Variants in GRID2 observed in about 807,000 individuals in gnomAD.
GRID2 encodes the protein glutamate ionotropic receptor delta type subunit 2.
A neutral mutation model predicts 114.8 loss-of-function variants in GRID2; 33 were observed. That is an observed-to-expected ratio of 0.29 (90% CI 0.22 to 0.38). The LOEUF (loss-of-function observed/expected upper bound fraction) is 0.38, where lower values mean the gene tolerates loss of function less well. GRID2 is among the 10% of genes least tolerant of loss of function. The pLI, the probability that GRID2 is intolerant of heterozygous loss-of-function variation, is 1.00. For synonymous variants in GRID2, 505 were observed against 449.9 expected, an observed-to-expected ratio of 1.12 and a Z score of -1.55; for missense variants, 1,184 against 1,257.7, an observed-to-expected ratio of 0.94 and a Z score of 0.89.
rs1301923712 is a variant in GRID2 at position 93,244,396 on chromosome 4, G to A, written c.1245+5906G>A. ...TCAGATATACTTAGAATCTTTATTC[G>A]GGCTCTCCAGCTTTAAATTCACAAA... On this transcript the variant is annotated intron_variant, in intron 8 of 15. Coordinates refer to ENST00000282020, the MANE Select transcript of GRID2 (RefSeq NM_001510.4). Among the ~76,000 whole-genome samples, 7 of 150,872 alleles carry A rather than the reference G, an allele frequency of 4.6e-5. No homozygotes were observed. The East Asian group carries it at 7.8e-4, about 17-fold the overall frequency.
intron 2 of GRID2, among the ~76,000 whole-genome samples, chr4:92,780,739 T>C (rs1252214366): frequency 6.6e-6 from 1 of 152,074 alleles, no homozygotes; most frequent in Non-Finnish European, 1.5e-5. Context: ...TAATGAGTAT[T>C]CTGTGTGTAT....
chr4:92,306,578 A>G (rs1725419876), intron 1 of GRID2, among the ~76,000 whole-genome samples: 1 of 152,214 alleles, frequency 6.6e-6, no homozygotes, highest in Non-Finnish European at 1.5e-5. Context: ...CTCAGGAGGG[A>G]AAGCCTGTGG....
intron 1 of GRID2, among the ~76,000 whole-genome samples, chr4:92,478,272 ATCT>A (rs1560658117): frequency 6.6e-6 from 1 of 152,064 alleles, no homozygotes; most frequent in Non-Finnish European, 1.5e-5. Flanking sequence ...GCACCATGAA[ATCT>A]TCTTAGTCTG....
chr4:92,715,484 T>A (rs944967878), intron 2 of GRID2, among the ~76,000 whole-genome samples: 14 of 152,106 alleles, frequency 9.2e-5, no homozygotes, highest in African/African-American at 3.4e-4. Flanking sequence ...GCTATCAATT[T>A]ACTGTATTAT....
chr4:92,981,925 G>A (rs1268680647), intron 2 of GRID2, among the ~76,000 whole-genome samples: 4 of 149,692 alleles, frequency 2.7e-5, no homozygotes, highest in South Asian at 2.1e-4. Flanking sequence ...GGAAGTGAAC[G>A]TTGCTGAGTT....
intron 2 of GRID2, among the ~76,000 whole-genome samples, chr4:92,944,855 A>G (rs891326415): frequency 1.3e-5 from 2 of 152,190 alleles, no homozygotes; most frequent in African/African-American, 4.8e-5. Context: ...TTACTGTCCA[A>G]AGGGCAAACC....
At position 93,524,837 on chromosome 4, in the gene GRID2, A is replaced by G. The variant is rs1235528991; in HGVS notation, c.2193+9426A>G. Among the ~76,000 whole-genome samples, 9 of 115,954 alleles carry G rather than the reference A, an allele frequency of 7.8e-5. No individual in the cohort carries two copies. The South Asian group carries it at 2.3e-3, about 29-fold the overall frequency. The allele number at this position is 115,954 out of a possible 152,430, so 76.1% of individuals were successfully genotyped here. On this transcript the variant is annotated intron_variant, in intron 13 of 15. Transcript: ENST00000282020. ...TATGTATGTATGTATATATATATAT[A>G]TATATATATATATGTATACAAATTC...
In GRID2 at chr4:92,722,508, T is replaced by C. The variant is rs184959741; in HGVS notation, c.244+132222T>C. On this transcript the variant is annotated intron_variant, in intron 2 of 15. Transcript: ENST00000282020. Reference sequence around the variant, plus strand: ...CTGAACATTTAACCAAAAGAAACTATTGTGTACTGGAGGTAATTAAAGAAA... The same window carrying C: ...CTGAACATTTAACCAAAAGAAACTACTGTGTACTGGAGGTAATTAAAGAAA... Among the ~76,000 whole-genome samples, 12 of 152,132 alleles carry C rather than the reference T, an allele frequency of 7.9e-5. No individual in the cohort carries two copies. In the East Asian group the frequency reaches 1.7e-3, roughly 22 times the overall value.
At chr4:93,162,867 A>T (rs1737812088) in intron 4 of GRID2, among the ~76,000 whole-genome samples, 1 of 151,980 alleles carries the variant, frequency 6.6e-6, no homozygotes, top group Non-Finnish European at 1.5e-5. Flanking sequence ...CTCAAAACAC[A>T]ATATTGAATG....
At chr4:93,489,015 C>T (rs1460207414) in intron 11 of GRID2, among the ~76,000 whole-genome samples, 1 of 151,940 alleles carries the variant, frequency 6.6e-6, no homozygotes. Flanking sequence ...CATAACACAG[C>T]ACATATTCAT....
chr4:93,582,834 G>A (rs544701726), intron 13 of GRID2, among the ~76,000 whole-genome samples: 3 of 152,222 alleles, frequency 2.0e-5, no homozygotes, highest in East Asian at 1.9e-4. Flanking sequence ...CAATAGAAAC[G>A]ATTTTGTATG....
At chr4:93,015,031 T>C (rs185692460) in intron 2 of GRID2, among the ~76,000 whole-genome samples, 2 of 152,242 alleles carry the variant, frequency 1.3e-5, no homozygotes, top group Admixed American at 1.3e-4. Context: ...GTGATTAAAA[T>C]AAATGACCAA....
chr4:93,711,368 G>A (rs1728464812), intron 14 of GRID2, among the ~76,000 whole-genome samples: 2 of 152,052 alleles, frequency 1.3e-5, no homozygotes, highest in Admixed American at 1.3e-4. Context: ...TAGAAATGTT[G>A]TCTGGGAGCT....
chr4:92,700,867 C>T (rs764969996), intron 2 of GRID2, among the ~76,000 whole-genome samples: 9 of 152,048 alleles, frequency 5.9e-5, no homozygotes, highest in Non-Finnish European at 1.2e-4. Flanking sequence ...TGGCAGGCGC[C>T]TGTAGTCCCA....
intron 2 of GRID2, among the ~76,000 whole-genome samples, chr4:92,935,096 C>G (rs573255478): frequency 6.8e-6 from 1 of 146,638 alleles, no homozygotes; most frequent in Non-Finnish European, 1.5e-5. Context: ...TCAGAGTGAA[C>G]AGGCAACCTA....
intron 13 of GRID2, among the ~76,000 whole-genome samples, chr4:93,541,023 A>G (rs1032490946): frequency 6.6e-6 from 1 of 152,194 alleles, no homozygotes; most frequent in African/African-American, 2.4e-5. Context: ...AGCATCATTT[A>G]AAGTTCCCAA....
At chr4:93,765,448 G>C (rs1733570349) in intron 14 of GRID2, among the ~76,000 whole-genome samples, 1 of 151,944 alleles carries the variant, frequency 6.6e-6, no homozygotes, top group Admixed American at 6.6e-5. Context: ...AGAGATTTTT[G>C]TGGCATATTC....
At chr4:93,210,511 G>A (rs1422434096) in intron 5 of GRID2, among the ~76,000 whole-genome samples, 1 of 152,078 alleles carries the variant, frequency 6.6e-6, no homozygotes, top group East Asian at 1.9e-4. Flanking sequence ...ATAGTTTGAA[G>A]TCAGGTAGCA....
At position 93,054,374 on chromosome 4, in the gene GRID2, C is replaced by A. The variant is rs549708717; in HGVS notation, c.245-30621C>A. Among the ~76,000 whole-genome samples the A allele has an allele frequency of 3.3e-5, 5 of 151,352 alleles. No homozygotes were observed. In the South Asian group the frequency reaches 1.0e-3, roughly 31 times the overall value. On this transcript the variant is annotated intron_variant, in intron 2 of 15. Transcript: ENST00000282020. ...TAATATTGTTTAAAGAAAAAAAAAA[C>A]TAGCACAGTAGGAAATAAGTTTAAG...
Sources: gnomAD v4.1 joint callset for allele counts (sites outside exome capture counted in the v4.1 genomes callset) on GRCh38, gnomAD v4.1.1 for gene constraint, MANE v1.5 for transcripts, NCBI Gene and HGNC (gene_info 2026-07-23, HGNC 2026-07-21) for gene names.